VAV3: variants seen among roughly 807,000 people sequenced by gnomAD.
VAV3 encodes the protein vav guanine nucleotide exchange factor 3, also known as guanine nucleotide exchange factor VAV3.
A neutral mutation model predicts 131.2 loss-of-function variants in VAV3; 94 were observed. That is an observed-to-expected ratio of 0.72 (90% CI 0.61 to 0.85). VAV3 has a LOEUF of 0.85. VAV3 is among the 40% of genes least tolerant of loss of function. The pLI is 0.00. For missense variants in VAV3, 939 were observed against 1,002.7 expected (o/e 0.94, Z 0.86); for synonymous variants, 349 against 342.0 (o/e 1.02, Z -0.22).
At chr1:107,959,820 A>G (rs1311594898) in intron 1 of VAV3, among the ~76,000 whole-genome samples, 2 of 152,116 alleles carry the variant, frequency 1.3e-5, no homozygotes, top group African/African-American at 2.4e-5. Flanking sequence ...CACTTCAATC[A>G]TAACTAGCTC....
At chr1:107,808,287 G>A (rs986034115) in intron 2 of VAV3, among the ~76,000 whole-genome samples, 1 of 152,110 alleles carries the variant, frequency 6.6e-6, no homozygotes, top group Non-Finnish European at 1.5e-5. Flanking sequence ...TATGAATGAA[G>A]TGAACATGAC....
intron 1 of VAV3, among the ~76,000 whole-genome samples, chr1:107,902,961 A>G (rs938835759): frequency 6.6e-6 from 1 of 152,206 alleles, no homozygotes; most frequent in African/African-American, 2.4e-5. Context: ...GGATTATTAA[A>G]CCAGGTTTTC....
intron 3 of VAV3, 72 bp downstream of exon 3, chr1:107,779,362 A>G: frequency 2.9e-6 from 4 of 1,387,274 alleles, no homozygotes; most frequent in Non-Finnish European, 3.9e-6. Flanking sequence ...TGCTTCACAA[A>G]TAGTAACCAT....
At chr1:107,757,386 A>G in intron 10 of VAV3, 57 bp from the exon 11 acceptor site, 1 of 1,385,390 alleles carries the variant, frequency 7.2e-7, no homozygotes. Flanking sequence ...AAGACATACT[A>G]AAGAAAACAT....
rs1359479147 is a variant in VAV3, at chr1:107,689,433, G to A, written c.1706-1027C>T. Among the ~76,000 whole-genome samples the A allele has an allele frequency of 2.6e-5, 4 of 152,250 alleles. No homozygotes were observed. The East Asian group carries it at 7.7e-4, about 29-fold the overall frequency. The stretch of plus-strand genomic sequence containing the variant: ...CTCCTGCCAGGCCACCTGACTAGCT[G>A]CCACAGATTGCTTTACACAAGAAGA... On this transcript the variant is annotated intron_variant, in intron 17 of 26. Transcript: ENST00000370056.
At chr1:107,775,945 G>A (rs1454253942) in intron 4 of VAV3, among the ~76,000 whole-genome samples, 2 of 152,178 alleles carry the variant, frequency 1.3e-5, no homozygotes, top group Non-Finnish European at 1.5e-5. Flanking sequence ...AACAACCTCT[G>A]CTCTAGAATA....
At chr1:107,948,926 T>A (rs888446663) in intron 1 of VAV3, among the ~76,000 whole-genome samples, 2 of 152,198 alleles carry the variant, frequency 1.3e-5, no homozygotes, top group African/African-American at 4.8e-5. Context: ...AGTCCAAGAT[T>A]AATATGGTTT....
intron 2 of VAV3, among the ~76,000 whole-genome samples, chr1:107,805,762 CTTGTT>C (rs1667030432): frequency 6.6e-6 from 1 of 152,034 alleles, no homozygotes; most frequent in African/African-American, 2.4e-5. Flanking sequence ...CTCTGTCTGG[CTTGTT>C]TTGTTTTTTG....
At chr1:107,759,717 T>C (rs1664311011) in intron 10 of VAV3, among the ~76,000 whole-genome samples, 1 of 152,196 alleles carries the variant, frequency 6.6e-6, no homozygotes, top group Non-Finnish European at 1.5e-5. Context: ...AGTATAGTTG[T>C]ATTTTATACT....
intron 1 of VAV3, among the ~76,000 whole-genome samples, chr1:107,901,317 A>G (rs1671847715): frequency 1.3e-5 from 2 of 152,254 alleles, no homozygotes; most frequent in South Asian, 2.1e-4. Flanking sequence ...CAGCAAACTC[A>G]GAGACACTGC....
At chr1:107,922,748 C>A (rs958036519) in intron 1 of VAV3, among the ~76,000 whole-genome samples, 1 of 150,752 alleles carries the variant, frequency 6.6e-6, no homozygotes, top group Admixed American at 6.6e-5. Context: ...GTCAGGAGAT[C>A]GAGACCATCC....
At chr1:107,660,906 C>T (rs1410654459) in intron 19 of VAV3, among the ~76,000 whole-genome samples, 1 of 152,034 alleles carries the variant, frequency 6.6e-6, no homozygotes, top group South Asian at 2.1e-4. Context: ...ATAATCTCAT[C>T]AAGTGTTCAG....
At chr1:107,690,267 T>C (rs1398287121) in intron 17 of VAV3, among the ~76,000 whole-genome samples, 4 of 152,202 alleles carry the variant, frequency 2.6e-5, no homozygotes, top group Admixed American at 2.0e-4. Flanking sequence ...CATGTGTCAG[T>C]AGTTGTCACA....
intron 1 of VAV3, among the ~76,000 whole-genome samples, chr1:107,941,836 A>G (rs1674010702): frequency 6.6e-6 from 1 of 152,168 alleles, no homozygotes; most frequent in South Asian, 2.1e-4. Context: ...CTCCCAGATG[A>G]CAGAGAATTT....
intron 15 of VAV3, among the ~76,000 whole-genome samples, chr1:107,729,150 C>G (rs781305205): frequency 5.9e-5 from 9 of 152,144 alleles, no homozygotes; most frequent in Admixed American, 1.3e-4. Context: ...TATTTCGAAG[C>G]TATCTAGTTT....
intron 21 of VAV3, among the ~76,000 whole-genome samples, chr1:107,611,092 T>TA (rs1352977203): frequency 6.6e-6 from 1 of 152,164 alleles, no homozygotes; most frequent in Non-Finnish European, 1.5e-5. Context: ...ATTTTGGATT[T>TA]AAAAAAATTA....
At chr1:107,963,958 G>A (rs1675274845) in intron 1 of VAV3, among the ~76,000 whole-genome samples, 1 of 152,232 alleles carries the variant, frequency 6.6e-6, no homozygotes, top group Admixed American at 6.5e-5. Context: ...CGGCACCACA[G>A]CACCTGAGCA....
At chr1:107,575,024 C>T (rs748505682) in intron 25 of VAV3, among the ~76,000 whole-genome samples, 43,044 of 95,874 alleles carry the variant, frequency 0.45, 7,028 homozygotes, top group East Asian at 0.6. Context: ...CGCACACGCG[C>T]GCGTGTTTAA....
At chr1:107,924,434 T>C (rs1426162159) in intron 1 of VAV3, among the ~76,000 whole-genome samples, 2 of 146,738 alleles carry the variant, frequency 1.4e-5, no homozygotes, top group African/African-American at 5.0e-5. Flanking sequence ...TTAAAAGAAA[T>C]AGCTGGTTTT....
Sources: allele counts gnomAD v4.1 joint callset (sites outside exome capture counted in the v4.1 genomes callset), GRCh38; gene constraint gnomAD v4.1.1; transcripts MANE v1.5; gene names NCBI Gene and HGNC (gene_info 2026-07-23, HGNC 2026-07-21).